The following ZNF676 variants were observed in gnomAD, a reference collection of about 807,000 sequenced individuals.
ZNF676 encodes the protein zinc finger protein 676.
In ZNF676, 4 loss-of-function variants were observed where a neutral mutation model predicts 6.0. The observed-to-expected ratio is 0.67, with a 90% CI of 0.33 to 1.53. The LOEUF (loss-of-function observed/expected upper bound fraction) is 1.53, where lower values mean the gene tolerates loss of function less well. Among genes scored for constraint, ZNF676 ranks in the 40% most tolerant of loss-of-function variants. The probability of loss-of-function intolerance (pLI) is 0.06; values close to 1 mark genes in which losing one functional copy is unlikely to be tolerated. For missense variants in ZNF676, 644 were observed against 679.7 expected, an observed-to-expected ratio of 0.95 and a Z score of 0.58; for synonymous variants, 198 against 223.1, an observed-to-expected ratio of 0.89 and a Z score of 1.00.
the ZNF676 span, among the ~76,000 whole-genome samples, chr19:22,248,464 A>T: frequency 1.7e-3 from 256 of 152,316 alleles, 1 homozygote; most frequent in African/African-American, 5.6e-3. Flanking sequence ...GTGCACATGT[A>T]CCCTAGAACT....
chr19:22,195,436 A>G (rs2023957173), intron 1 of ZNF676, among the ~76,000 whole-genome samples: 1 of 152,078 alleles, frequency 6.6e-6, no homozygotes, highest in African/African-American at 2.4e-5. Context: ...TTCTAACTCA[A>G]CTTACTTATC....
chr19:22,246,492 T>C, the ZNF676 span, among the ~76,000 whole-genome samples: 4 of 152,150 alleles, frequency 2.6e-5, no homozygotes, highest in African/African-American at 9.7e-5. Context: ...TATTTCCCAG[T>C]GCTCCTTGCA....
the ZNF676 span, among the ~76,000 whole-genome samples, chr19:22,222,664 A>G: frequency 6.6e-6 from 1 of 151,628 alleles, no homozygotes; most frequent in African/African-American, 2.4e-5. Context: ...AGGGGTAAAA[A>G]TCTTCTTCTG....
At chr19:22,242,672 G>T in the ZNF676 span, among the ~76,000 whole-genome samples, 2 of 151,962 alleles carry the variant, frequency 1.3e-5, no homozygotes, top group African/African-American at 2.4e-5. Context: ...CACAGGTTTT[G>T]GGTCTAGCTA....
chr19:22,259,839 A>C, the ZNF676 span: 2 of 152,204 alleles, frequency 1.3e-5, no homozygotes, highest in Non-Finnish European at 2.9e-5. Flanking sequence ...ATATGTCACT[A>C]TCTCCCATGT....
intron 1 of ZNF676, chr19:22,203,901 GAATTTT>G (rs2024050676): frequency 6.6e-6 from 1 of 151,914 alleles, no homozygotes. Context: ...GCTCTCAGCA[GAATTTT>G]AAAAGATTTA....
the ZNF676 span, among the ~76,000 whole-genome samples, chr19:22,249,624 C>T: frequency 1.3e-5 from 2 of 151,994 alleles, no homozygotes; most frequent in African/African-American, 2.4e-5. Context: ...GTTAGTCAGG[C>T]TGGTCTCAAA....
chr19:22,190,666 C>T (rs12979315), intron 2 of ZNF676, among the ~76,000 whole-genome samples: 2,406 of 38,586 alleles, frequency 0.062, 69 homozygotes, highest in African/African-American at 0.092. Context: ...TATATATATA[C>T]ATACACACTT....
intron 1 of ZNF676, chr19:22,215,512 C>G (rs2024175348): frequency 5.0e-6 from 6 of 1,206,802 alleles, no homozygotes; most frequent in Middle Eastern, 4.0e-4. Flanking sequence ...TGAGGTCGAG[C>G]TAGGCAAGGA....
At chr19:22,254,049 T>C in the ZNF676 span, among the ~76,000 whole-genome samples, 2 of 152,202 alleles carry the variant, frequency 1.3e-5, no homozygotes, top group Admixed American at 6.5e-5. Flanking sequence ...ACAAAATATA[T>C]GTCACAATTC....
the ZNF676 span, among the ~76,000 whole-genome samples, chr19:22,245,602 A>G: frequency 2.6e-5 from 4 of 151,192 alleles, no homozygotes; most frequent in South Asian, 2.1e-4. Flanking sequence ...AAAAAATGCA[A>G]GACCCAGGCA....
the ZNF676 span, among the ~76,000 whole-genome samples, chr19:22,232,334 A>G: frequency 6.6e-6 from 1 of 151,898 alleles, no homozygotes; most frequent in Non-Finnish European, 1.5e-5. Flanking sequence ...CCCCCAGCTA[A>G]TTTTTGTATT....
upstream of ZNF676, among the ~76,000 whole-genome samples, chr19:22,200,079 T>A (rs981066949): frequency 6.6e-6 from 1 of 152,090 alleles, no homozygotes; most frequent in Non-Finnish European, 1.5e-5. Context: ...GTAGAGCCAA[T>A]GTACAATTCT....
upstream of ZNF676, among the ~76,000 whole-genome samples, chr19:22,197,960 T>TA (rs1272723510): frequency 6.6e-6 from 1 of 152,216 alleles, no homozygotes; most frequent in Non-Finnish European, 1.5e-5. Context: ...AAGTTCAAGA[T>TA]AGAGATATCT....
At chr19:22,196,083 C>T (rs528285070) in intron 1 of ZNF676, among the ~76,000 whole-genome samples, 10 of 152,214 alleles carry the variant, frequency 6.6e-5, no homozygotes, top group East Asian at 3.9e-4. Flanking sequence ...CCTGGCCTTA[C>T]GTTTATTTGA....
upstream of ZNF676, among the ~76,000 whole-genome samples, chr19:22,219,767 C>T (rs558535941): frequency 7.4e-4 from 113 of 151,940 alleles, no homozygotes; most frequent in East Asian, 9.7e-4. Context: ...GCGATTCTCC[C>T]GCCTCAGCCT....
rs1336928704 is a variant in ZNF676, at chr19:22,180,905, T to C, written c.812A>G (p.His271Arg). 2 of 1,425,804 alleles carry C rather than the reference T, an allele frequency of 1.4e-6. No homozygotes were observed. 88.3% of individuals were successfully genotyped at this position (1,425,804 alleles called of 1,614,324 possible). A position where few individuals can be genotyped will look rare whatever the true frequency, so the allele number is the denominator to read the frequency against. ...GFSSVSTLNT[H>R]KAIHAEEKPY... ...CTTCTCTTCAGCATGAATTGCCTTATGTGTATTAAGGGTTGAGACGCTACT... is the reference window on the plus strand; with the variant it reads ...CTTCTCTTCAGCATGAATTGCCTTACGTGTATTAAGGGTTGAGACGCTACT... The change falls in exon 3 of 3, where the codon CAT (histidine) becomes CGT (arginine). Residue 271 changes from histidine to arginine, a missense_variant. Transcript: ENST00000397121.
the ZNF676 span, among the ~76,000 whole-genome samples, chr19:22,227,062 A>G: frequency 6.6e-6 from 1 of 152,182 alleles, no homozygotes; most frequent in Non-Finnish European, 1.5e-5. Context: ...CCCTATAAAG[A>G]ATGCTGAAAA....
chr19:22,231,716 C>T, the ZNF676 span, among the ~76,000 whole-genome samples: 1 of 151,320 alleles, frequency 6.6e-6, no homozygotes, highest in African/African-American at 2.4e-5. Flanking sequence ...GATTCTCCTG[C>T]CTCAGCCTCC....
Sources: gnomAD v4.1 joint callset for allele counts (sites outside exome capture counted in the v4.1 genomes callset) on GRCh38, gnomAD v4.1.1 for gene constraint, MANE v1.5 for transcripts, NCBI Gene and HGNC (gene_info 2026-07-23, HGNC 2026-07-21) for gene names.